NAV3: variants seen among roughly 807,000 people sequenced by gnomAD.
The protein encoded by NAV3 is neuron navigator 3, also known as pore membrane and/or filament interacting like protein 1.
In NAV3, 87 loss-of-function variants were observed where a neutral mutation model predicts 244.7. The observed-to-expected ratio is 0.36, with a 90% confidence interval of 0.30 to 0.42. The LOEUF is 0.42. NAV3 is among the 20% of genes least tolerant of loss of function. NAV3 has a pLI of 1.00. For missense variants in NAV3, 2,663 were observed against 2,893.3 expected (o/e 0.92, Z 1.83); for synonymous variants, 1,126 against 1,042.2 (o/e 1.08, Z -1.55).
intron 18 of NAV3, among the ~76,000 whole-genome samples, chr12:78,131,434 C>CT (rs1271301520): frequency 2.6e-5 from 4 of 152,148 alleles, no homozygotes. Context: ...AAGCCTAACA[C>CT]TTTAACTTCA....
At chr12:77,653,131 C>T (rs149978708) in intron 2 of NAV3, among the ~76,000 whole-genome samples, 185 of 152,294 alleles carry the variant, frequency 1.2e-3, no homozygotes, top group African/African-American at 4.3e-3. Context: ...CAGAATGCAA[C>T]ATAGCAAAAG....
intron 20 of NAV3, chr12:78,143,254 G>A (rs556747403): frequency 2.0e-5 from 8 of 393,280 alleles, no homozygotes; most frequent in South Asian, 1.1e-4. Context: ...GTCTCCGGAT[G>A]TCTGCAAAGT....
At chr12:77,929,158 A>G (rs1033289020) in intron 1 of NAV3, among the ~76,000 whole-genome samples, 21 of 152,228 alleles carry the variant, frequency 1.4e-4, no homozygotes, top group African/African-American at 2.7e-4. Flanking sequence ...CTTCATATGA[A>G]ATATATCATT....
intron 2 of NAV3, among the ~76,000 whole-genome samples, chr12:77,639,477 C>A (rs946340152): frequency 2.0e-5 from 3 of 152,106 alleles, no homozygotes; most frequent in Non-Finnish European, 2.9e-5. Flanking sequence ...TCTCGTCTAA[C>A]CAGAATGTAA....
rs573398573 is a variant in NAV3, at chr12:77,867,297, T to A, written c.243+35593T>A. Among the ~76,000 whole-genome samples the A allele has an allele frequency of 6.6e-5, 10 of 152,328 alleles. No individual in the cohort carries two copies. The South Asian group carries it at 1.2e-3, about 19-fold the overall frequency. On this transcript the variant is annotated intron_variant, in intron 1 of 39. Transcript: ENST00000397909. ...TCTCTCTTTCCTGTCACCATCTAAG[T>A]CGTGCCTTTCGCCTTCTGCCATGAT...
intron 7 of NAV3, among the ~76,000 whole-genome samples, chr12:78,001,614 C>T (rs1403140190): frequency 6.6e-6 from 1 of 152,140 alleles, no homozygotes; most frequent in Non-Finnish European, 1.5e-5. Context: ...TTACAAACTG[C>T]ACTTCAAAAG....
chr12:77,888,623 G>A (rs539872523), intron 1 of NAV3, among the ~76,000 whole-genome samples: 2 of 152,230 alleles, frequency 1.3e-5, no homozygotes, highest in East Asian at 1.9e-4. Context: ...GCCCTCAAAT[G>A]TTATGTCCCA....
intron 1 of NAV3, among the ~76,000 whole-genome samples, chr12:77,839,940 G>A (rs1365386785): frequency 1.3e-5 from 2 of 152,146 alleles, no homozygotes; most frequent in Middle Eastern, 3.2e-3. Flanking sequence ...AGGCGTGGTG[G>A]CAAGTGCTTG....
At chr12:78,054,364 G>C (rs1177639561) in intron 11 of NAV3, among the ~76,000 whole-genome samples, 2 of 152,076 alleles carry the variant, frequency 1.3e-5, no homozygotes, top group African/African-American at 4.8e-5. Flanking sequence ...TAATGTCTTA[G>C]AGATAGGCAC....
chr12:77,773,064 C>T (rs1870174183), intron 2 of NAV3, among the ~76,000 whole-genome samples: 1 of 152,124 alleles, frequency 6.6e-6, no homozygotes, highest in Non-Finnish European at 1.5e-5. Context: ...CAGATGGGTG[C>T]TCTCATTGAC....
rs201512028 is a variant in NAV3, at chr12:78,181,009, C to T, written c.5656C>T (p.Leu1886=). 4.3e-6 allele frequency: 7 copies of T among 1,613,056 alleles called. No individual in the cohort carries two copies. Among genetic ancestry groups the T allele is most frequent in the Admixed American group, 1.7e-5 (1 of 59,924 alleles). ...TTCCAGGCAGTCATTAGGACTTTCT[C>T]TAAACAATTTGAACATCACAGAGGC... ...SSSRQSLGLS[L]NNLNITEAVS... The change falls in exon 30 of 40, where the codon CTA becomes TTA. Residue 1886 remains leucine, a synonymous_variant. Transcript: ENST00000397909.
At chr12:77,677,519 T>C (rs991258149) in intron 2 of NAV3, among the ~76,000 whole-genome samples, 8 of 152,208 alleles carry the variant, frequency 5.3e-5, no homozygotes, top group Admixed American at 5.2e-4. Flanking sequence ...ATGTATCTTG[T>C]CCTCAACAGA....
intron 5 of NAV3, among the ~76,000 whole-genome samples, chr12:77,975,814 G>A (rs1301272828): frequency 6.6e-6 from 1 of 152,204 alleles, no homozygotes; most frequent in African/African-American, 2.4e-5. Context: ...GATACTATGT[G>A]CCATGAGGAA....
intron 2 of NAV3, among the ~76,000 whole-genome samples, chr12:77,651,199 C>G (rs1592541031): frequency 6.6e-6 from 1 of 152,144 alleles, no homozygotes; most frequent in East Asian, 1.9e-4. Context: ...GCTTTTTTGG[C>G]AAACATTACT....
intron 30 of NAV3, among the ~76,000 whole-genome samples, chr12:78,184,444 A>G (rs537985692): frequency 4.1e-4 from 63 of 151,964 alleles, no homozygotes; most frequent in African/African-American, 1.4e-3. Context: ...GACTATTAAG[A>G]TGTTAACTTG....
intron 22 of NAV3, among the ~76,000 whole-genome samples, chr12:78,155,220 G>T (rs139693011): frequency 4.9e-4 from 75 of 152,054 alleles, no homozygotes; most frequent in Non-Finnish European, 8.5e-4. Flanking sequence ...TCCCCACCAT[G>T]TGCCCACGTG....
chr12:77,899,967 A>G (rs949024732), intron 1 of NAV3, among the ~76,000 whole-genome samples: 38 of 152,112 alleles, frequency 2.5e-4, no homozygotes, highest in Non-Finnish European at 5.9e-5. Context: ...TGGGGCACCA[A>G]TGATCCTGTC....
chr12:78,075,923 G>A (rs917145267), intron 12 of NAV3, among the ~76,000 whole-genome samples: 1 of 152,122 alleles, frequency 6.6e-6, no homozygotes, highest in African/African-American at 2.4e-5. Context: ...CTTCTGCAAG[G>A]TTCCCAAGAG....
At chr12:77,848,886 T>C (rs1342868518) in intron 1 of NAV3, among the ~76,000 whole-genome samples, 2 of 152,196 alleles carry the variant, frequency 1.3e-5, no homozygotes, top group African/African-American at 4.8e-5. Context: ...AAAAAATCAA[T>C]ATTTTCAATA....
Sources: allele counts gnomAD v4.1 joint callset (sites outside exome capture counted in the v4.1 genomes callset), GRCh38; gene constraint gnomAD v4.1.1; transcripts MANE v1.5; gene names NCBI Gene and HGNC (gene_info 2026-07-23, HGNC 2026-07-21).